The following PCDHA10 variants were observed in gnomAD, a reference collection of about 807,000 sequenced individuals.
PCDHA10 encodes protocadherin alpha-10.
PCDHA10 carries 45 observed loss-of-function variants against 61.2 expected under a neutral mutation model. The ratio of observed to expected loss-of-function variants is 0.74; its 90% CI spans 0.58 to 0.94. PCDHA10 has a LOEUF of 0.94. Among genes scored for constraint, PCDHA10 ranks in the 40% least tolerant of loss-of-function variants. The probability of loss-of-function intolerance (pLI) is 0.00; values close to 1 mark genes in which losing one functional copy is unlikely to be tolerated. For missense variants in PCDHA10, 1,278 were observed against 1,236.2 expected, an observed-to-expected ratio of 1.03 and a Z score of -0.51; for synonymous variants, 602 against 548.8, an observed-to-expected ratio of 1.10 and a Z score of -1.35.
intron 1 of PCDHA10, chr5:140,929,119 G>T (rs2085835460): frequency 1.2e-6 from 2 of 1,614,192 alleles, no homozygotes; most frequent in Non-Finnish European, 1.7e-6. Context: ...AGCCACCATA[G>T]ATGTCACTAC....
chr5:140,879,469 G>A (rs1438617682), intron 1 of PCDHA10, among the ~76,000 whole-genome samples: 2 of 152,166 alleles, frequency 1.3e-5, no homozygotes, highest in Non-Finnish European at 2.9e-5. Context: ...AGAGAATACC[G>A]TTGTGATTGG....
chr5:140,869,424 G>A, intron 1 of PCDHA10: 2 of 1,614,216 alleles, frequency 1.2e-6, no homozygotes, highest in African/African-American at 2.7e-5. Context: ...TCCACCTGGA[G>A]GTGATCGTGG....
chr5:140,882,071 A>T (rs2058936449), intron 1 of PCDHA10: 4 of 864,074 alleles, frequency 4.6e-6, no homozygotes, highest in Admixed American at 2.9e-5. Context: ...GTTCATGCGC[A>T]TGGTGTCGCT....
At chr5:140,989,894 T>C (rs907697062) in intron 3 of PCDHA10, among the ~76,000 whole-genome samples, 7 of 151,812 alleles carry the variant, frequency 4.6e-5, no homozygotes, top group Admixed American at 3.3e-4. Context: ...GTCTCCGTTA[T>C]TCACAATCAG....
chr5:141,000,774 G>A (rs1399583734), intron 3 of PCDHA10, among the ~76,000 whole-genome samples: 1 of 151,828 alleles, frequency 6.6e-6, no homozygotes, highest in Non-Finnish European at 1.5e-5. Context: ...AGGCATAGTG[G>A]CGCACACCTG....
chr5:140,966,893 C>CA (rs1554228863), intron 1 of PCDHA10: 3 of 1,595,686 alleles, frequency 1.9e-6, no homozygotes, highest in African/African-American at 1.3e-5. Context: ...TGCGGCCTCC[C>CA]AGCTGCGATA....
chr5:140,969,254 A>G (rs781854163), intron 1 of PCDHA10: 2 of 1,614,242 alleles, frequency 1.2e-6, no homozygotes, highest in Non-Finnish European at 1.7e-6. Context: ...GACTGACAGC[A>G]GGAATCTCAC....
chr5:140,892,509 A>G (rs2063553980), intron 1 of PCDHA10, among the ~76,000 whole-genome samples: 1 of 152,220 alleles, frequency 6.6e-6, no homozygotes, highest in Admixed American at 6.5e-5. Context: ...AAGAAGTTCC[A>G]CCATGACTGG....
In PCDHA10 at chr5:141,010,527, G is replaced by T; in HGVS notation, c.*590G>T. On this transcript the variant is annotated 3_prime_UTR_variant, in exon 4 of 4. Transcript: ENST00000307360. ...AAATCTTACAACTCAAGAGGTGGCA[G>T]CCACCCTCTAGGAGACAAAACTACC... The T allele has an allele frequency of 2.3e-6, 1 of 431,062 alleles. No homozygotes were observed. Among genetic ancestry groups the T allele is most frequent in the African/African-American group, 2.0e-5 (1 of 49,970 alleles). 26.7% of individuals were successfully genotyped at this position (431,062 alleles called of 1,614,324 possible).
At chr5:140,931,390 G>A (rs1296292494) in intron 1 of PCDHA10, among the ~76,000 whole-genome samples, 1 of 152,038 alleles carries the variant, frequency 6.6e-6, no homozygotes, top group Non-Finnish European at 1.5e-5. Flanking sequence ...GGAAACATAA[G>A]TAAGCGATAG....
Position 140,857,302 on chromosome 5 carries a change from G to A in PCDHA10, c.1254G>A (p.Ser418=). 1 of 1,598,652 alleles carries A rather than the reference G, an allele frequency of 6.3e-7. No individual in the cohort carries two copies. The highest frequency in any genetic ancestry group is 1.1e-5 in the South Asian group (1 of 90,538). Residue 418 remains serine (S), a synonymous_variant, in exon 1 of 4, where the codon TCG becomes TCA. Transcript: ENST00000307360. ...LDSALDRERV[S]AYELVVTARD... ...GCGCTCTGGACCGCGAGAGGGTGTCGGCCTATGAGCTGGTGGTGACCGCGC... is the reference window on the plus strand; with the variant it reads ...GCGCTCTGGACCGCGAGAGGGTGTCAGCCTATGAGCTGGTGGTGACCGCGC...
chr5:140,904,555 CT>C (rs569725486), intron 1 of PCDHA10, among the ~76,000 whole-genome samples: 14 of 151,628 alleles, frequency 9.2e-5, no homozygotes, highest in Non-Finnish European at 1.8e-4. Context: ...CATATAATGA[CT>C]TTTTTTTCCT....
chr5:140,931,966 A>G (rs1554208694), intron 1 of PCDHA10, among the ~76,000 whole-genome samples: 1 of 151,950 alleles, frequency 6.6e-6, no homozygotes, highest in African/African-American at 2.4e-5. Context: ...ATGTTGATGC[A>G]TATGTGTTTA....
intron 1 of PCDHA10, among the ~76,000 whole-genome samples, chr5:140,976,067 T>C (rs1554237245): frequency 6.6e-6 from 1 of 152,218 alleles, no homozygotes; most frequent in Non-Finnish European, 1.5e-5. Flanking sequence ...ATATATGTCT[T>C]ACTGTGTCAG....
At chr5:140,884,120 G>A in intron 1 of PCDHA10, 1 of 1,613,322 alleles carries the variant, frequency 6.2e-7, no homozygotes, top group Non-Finnish European at 8.5e-7. Flanking sequence ...GGCGGTCGGC[G>A]CGCGCATCCC....
intron 1 of PCDHA10, among the ~76,000 whole-genome samples, chr5:140,936,458 G>A (rs963270336): frequency 2.6e-5 from 4 of 152,046 alleles, no homozygotes; most frequent in Non-Finnish European, 4.4e-5. Flanking sequence ...TCTGTTTAGT[G>A]GTTGCTGTAG....
intron 1 of PCDHA10, among the ~76,000 whole-genome samples, chr5:140,932,798 T>C (rs2153613163): frequency 6.6e-6 from 1 of 151,958 alleles, no homozygotes; most frequent in Middle Eastern, 3.4e-3. Flanking sequence ...AGAAAAGCAA[T>C]ACCTTGGAAA....
At chr5:140,891,708 C>T (rs1422243783) in intron 1 of PCDHA10, among the ~76,000 whole-genome samples, 1 of 152,066 alleles carries the variant, frequency 6.6e-6, no homozygotes, top group Admixed American at 6.6e-5. Context: ...TGAATTTGTA[C>T]CCCCAAATTC....
intron 1 of PCDHA10, among the ~76,000 whole-genome samples, chr5:140,918,233 T>C (rs1554198474): frequency 6.6e-6 from 1 of 152,210 alleles, no homozygotes; most frequent in South Asian, 2.1e-4. Context: ...TTTTTGTACA[T>C]TGATTTTGTA....
Sources: allele counts gnomAD v4.1 joint callset (sites outside exome capture counted in the v4.1 genomes callset), GRCh38; gene constraint gnomAD v4.1.1; transcripts MANE v1.5; gene names NCBI Gene and HGNC (gene_info 2026-07-23, HGNC 2026-07-21).